The following ANXA4 variants were observed in gnomAD, a reference collection of about 807,000 sequenced individuals.
ANXA4 encodes annexin A4, also known as 35-beta calcimedin.
ANXA4 carries 39 observed loss-of-function variants against 49.8 expected under a neutral mutation model. The observed-to-expected ratio is 0.78, with a 90% CI of 0.61 to 1.02. The LOEUF is 1.02. Among genes scored for constraint, ANXA4 ranks in the 50% least tolerant of loss-of-function variants. ANXA4 has a pLI of 0.00. For synonymous variants in ANXA4, 134 were observed against 152.5 expected, an observed-to-expected ratio of 0.88 and a Z score of 0.89; for missense variants, 360 against 410.1, an observed-to-expected ratio of 0.88 and a Z score of 1.05.
intron 1 of ANXA4, among the ~76,000 whole-genome samples, chr2:69,774,392 G>GC (rs1369432508): frequency 7.5e-6 from 1 of 133,700 alleles, no homozygotes; most frequent in Non-Finnish European, 1.6e-5. Context: ...AGGTTGGAGA[G>GC]CAGTGGCGCA....
intron 2 of ANXA4, among the ~76,000 whole-genome samples, chr2:69,717,292 C>T (rs1294109242): frequency 1.3e-5 from 2 of 152,200 alleles, no homozygotes; most frequent in Admixed American, 6.5e-5. Context: ...TGGCAGGAGG[C>T]TTCTGTGCAG....
chr2:69,786,444 T>C (rs901880365), intron 2 of ANXA4, among the ~76,000 whole-genome samples: 4 of 152,176 alleles, frequency 2.6e-5, no homozygotes, highest in Non-Finnish European at 5.9e-5. Flanking sequence ...ATCTTTTAAA[T>C]AGATAAGTCA....
At chr2:69,664,608 A>G (rs1453122492) in intron 2 of ANXA4, among the ~76,000 whole-genome samples, 2 of 152,212 alleles carry the variant, frequency 1.3e-5, no homozygotes, top group Non-Finnish European at 2.9e-5. Context: ...GACGGTATAC[A>G]ATTGTTATTA....
rs192192266 is a variant in ANXA4, at chr2:69,826,428, G to T, written c.*913G>T. The T allele has an allele frequency of 2.6e-5, 4 of 152,700 alleles. No individual in the cohort carries two copies. The highest frequency in any genetic ancestry group is 3.9e-4 in the East Asian group (2 of 5,194). 9.5% of individuals were successfully genotyped at this position (152,700 alleles called of 1,614,324 possible). ...TCAACTCCAGAAACATTCTGAAGAT[G>T]TACTTGGATTTAATTAAAAAGTTCA... is the stretch of plus-strand genomic sequence containing the variant. On this transcript the variant is annotated 3_prime_UTR_variant, in exon 13 of 13. Coordinates refer to ENST00000394295, the MANE Select transcript of ANXA4 (RefSeq NM_001153.5).
chr2:69,714,083 C>T (rs1678784277), intron 2 of ANXA4, among the ~76,000 whole-genome samples: 1 of 152,232 alleles, frequency 6.6e-6, no homozygotes, highest in Non-Finnish European at 1.5e-5. Context: ...TGGGTGACAT[C>T]TCTCCAGGCT....
intron 2 of ANXA4, among the ~76,000 whole-genome samples, chr2:69,693,106 T>C (rs1678028088): frequency 6.6e-6 from 1 of 152,212 alleles, no homozygotes; most frequent in Admixed American, 6.5e-5. Flanking sequence ...AGTGACTAGT[T>C]AAATCTCCAA....
chr2:69,692,475 A>G (rs1004262320), intron 2 of ANXA4, among the ~76,000 whole-genome samples: 1 of 152,312 alleles, frequency 6.6e-6, no homozygotes, highest in African/African-American at 2.4e-5. Context: ...ACTCAATGCT[A>G]TTACCTCCTC....
chr2:69,825,084 AAAAAAAC>A (rs1316373526), intron 12 of ANXA4, among the ~76,000 whole-genome samples: 1 of 150,450 alleles, frequency 6.6e-6, no homozygotes, highest in African/African-American at 2.4e-5. Context: ...AAAAAAAAAA[AAAAAAAC>A]CACAAACAAA....
At position 69,736,291 on chromosome 2, in the gene ANXA4, A is replaced by G. The variant is rs183839752; in HGVS notation, n.864+15420A>G. ...TGTTGCTGCAATTCTGAAAAATACA[A>G]TCTGCAGCAGGAAGTTTAATGCAAC... On this transcript the variant is annotated intron_variant and non_coding_transcript_variant, in intron 3 of 3. Coordinates refer to the ANXA4 transcript ENST00000418066. 9.1e-4 allele frequency among the ~76,000 whole-genome samples: 138 copies of G among 152,294 alleles called. 4 individuals carry two copies. The East Asian group carries it at 0.023, about 25-fold the overall frequency.
In ANXA4 at chr2:69,689,172, G is replaced by T. The variant is rs187670787; in HGVS notation, n.767-31602G>T. ...AGTGGCATGATCATAGTCCACCGCAGCCTTGAACTGGGTTCAAGTGATCCT... is the reference window on the plus strand; with the variant it reads ...AGTGGCATGATCATAGTCCACCGCATCCTTGAACTGGGTTCAAGTGATCCT... On this transcript the variant is annotated intron_variant and non_coding_transcript_variant, in intron 2 of 3. Transcript: ENST00000418066. Among the ~76,000 whole-genome samples the T allele has an allele frequency of 1.5e-3, 233 of 152,032 alleles. 2 individuals are homozygous for T. Among genetic ancestry groups the T allele is most frequent in the Non-Finnish European group, 2.5e-3 (169 of 67,980 alleles).
At chr2:69,751,492 A>G (rs1196693490) in intron 1 of ANXA4, among the ~76,000 whole-genome samples, 1 of 134,218 alleles carries the variant, frequency 7.5e-6, no homozygotes, top group Non-Finnish European at 1.5e-5. Context: ...TGGATGACAG[A>G]GTGAGACCCT....
chr2:69,733,590 T>C (rs573915095), intron 3 of ANXA4, among the ~76,000 whole-genome samples: 1 of 148,724 alleles, frequency 6.7e-6, no homozygotes, highest in Non-Finnish European at 1.5e-5. Flanking sequence ...CCAGCCTGGG[T>C]GACAGAGTGA....
chr2:69,680,469 C>G (rs1388650973), intron 2 of ANXA4, among the ~76,000 whole-genome samples: 4 of 149,934 alleles, frequency 2.7e-5, no homozygotes, highest in East Asian at 4.2e-4. Context: ...TTGACTTCCT[C>G]TTTTCCAATC....
At position 69,820,826 on chromosome 2, in the gene ANXA4, G is replaced by A. The variant is rs757696113; in HGVS notation, c.906+5G>A. On this transcript the variant is annotated splice_donor_5th_base_variant and intron_variant, in intron 12 of 12. Coordinates refer to ENST00000394295, the MANE Select transcript of ANXA4 (RefSeq NM_001153.5). ...TCTCTGTACTCGTTCATCAAGGTAG[G>A]TCACAGCAGCCTAAGTCCAGAGTAA... 1.9e-6 allele frequency: 3 copies of A among 1,613,654 alleles called. No homozygotes were observed. The Admixed American group carries it at 5.0e-5, about 27-fold the overall frequency.
intron 12 of ANXA4, among the ~76,000 whole-genome samples, chr2:69,821,881 A>G (rs907491544): frequency 3.9e-5 from 6 of 152,206 alleles, no homozygotes; most frequent in East Asian, 1.9e-4. Context: ...GGATGACGGT[A>G]AGTGAAGTTA....
chr2:69,678,389 CTTTTTTTT>C (rs150952411), intron 2 of ANXA4, among the ~76,000 whole-genome samples: 1 of 78,366 alleles, frequency 1.3e-5, no homozygotes, highest in African/African-American at 5.1e-5. Flanking sequence ...CTTTTCTTTT[CTTTTTTTT>C]TTTTTTTTTT....
At chr2:69,716,382 G>A (rs1669624586) in intron 2 of ANXA4, among the ~76,000 whole-genome samples, 1 of 152,108 alleles carries the variant, frequency 6.6e-6, no homozygotes, top group Admixed American at 6.6e-5. Flanking sequence ...GGAAAAAAGG[G>A]ATTCACCAGA....
intron 1 of ANXA4, among the ~76,000 whole-genome samples, chr2:69,773,020 A>AG (rs892356175): frequency 5.7e-4 from 86 of 151,814 alleles, no homozygotes; most frequent in Admixed American, 1.5e-3. Context: ...TCTCAAAAAA[A>AG]AAAGAAAGAA....
intron 2 of ANXA4, among the ~76,000 whole-genome samples, chr2:69,708,254 T>C (rs1222348109): frequency 2.0e-5 from 3 of 152,182 alleles, no homozygotes; most frequent in Admixed American, 6.5e-5. Flanking sequence ...CTCTCAGTGA[T>C]CAATACGTGG....
Sources: gnomAD v4.1 joint callset for allele counts (sites outside exome capture counted in the v4.1 genomes callset) on GRCh38, gnomAD v4.1.1 for gene constraint, MANE v1.5 for transcripts, NCBI Gene and HGNC (gene_info 2026-07-23, HGNC 2026-07-21) for gene names.